Variants in LAMA1 observed in about 807,000 individuals in gnomAD.
LAMA1 encodes the protein laminin subunit alpha-1.
In LAMA1, 219 loss-of-function variants were observed where a neutral mutation model predicts 348.7. That is an observed-to-expected ratio of 0.63 (90% CI 0.56 to 0.70). The LOEUF (loss-of-function observed/expected upper bound fraction) is 0.70. Among genes scored for constraint, LAMA1 ranks in the 30% least tolerant of loss-of-function variants. LAMA1 has a pLI of 0.00. For missense variants in LAMA1, 3,744 were observed against 3,888.0 expected, an observed-to-expected ratio of 0.96 and a Z score of 0.99; for synonymous variants, 1,487 against 1,491.0, an observed-to-expected ratio of 1.00 and a Z score of 0.06.
chr18:7,042,269 C>T lies in LAMA1; in HGVS notation c.1156-19G>A. 6.9e-7 allele frequency: 1 copy of T among 1,458,576 alleles called. No individual in the cohort carries two copies. The highest frequency in any genetic ancestry group is 9.6e-7 in the Non-Finnish European group (1 of 1,043,788). 90.4% of individuals were successfully genotyped at this position (1,458,576 alleles called of 1,614,324 possible). A position where few individuals can be genotyped will look rare whatever the true frequency, so the allele number is the denominator to read the frequency against. ...GAGACACCTGAAAGGCAGAGGTTGCCCTGGATTCTCTTACTAGAAATAACA... is the reference window on the plus strand; with the variant it reads ...GAGACACCTGAAAGGCAGAGGTTGCTCTGGATTCTCTTACTAGAAATAACA... On this transcript the variant is annotated intron_variant, in intron 8 of 62. Transcript: ENST00000389658.
intron 27 of LAMA1, 26 bp from the exon 28 acceptor site, chr18:7,008,634 G>A: frequency 6.2e-7 from 1 of 1,613,002 alleles, no homozygotes; most frequent in South Asian, 1.1e-5. Flanking sequence ...GTTAAGAGAG[G>A]AAACGCTAAC....
intron 1 of LAMA1, among the ~76,000 whole-genome samples, chr18:7,093,377 C>T (rs2058247713): frequency 6.6e-6 from 1 of 152,056 alleles, no homozygotes; most frequent in Non-Finnish European, 1.5e-5. Context: ...GATCGCGCCA[C>T]TGCACTCCAG....
chr18:6,970,282 C>A (rs896283129), intron 48 of LAMA1, among the ~76,000 whole-genome samples: 2 of 150,958 alleles, frequency 1.3e-5, no homozygotes, highest in East Asian at 1.9e-4. Flanking sequence ...CGTTTATTGT[C>A]AAAAAAAAAT....
chr18:7,038,861 G>A lies in LAMA1; in HGVS notation c.1512C>T (p.Phe504=), dbSNP rs777588510. The change falls in exon 11 of 63, where the codon TTC becomes TTT. Residue 504 remains phenylalanine (F), a synonymous_variant. Transcript: ENST00000389658. Reference sequence around the variant, plus strand: ...TGCAGACATCAGAAACGCCAAAGCAGAAGCACTCGGAGCAGCCCCGGGGGT... The same window carrying A: ...TGCAGACATCAGAAACGCCAAAGCAAAAGCACTCGGAGCAGCCCCGGGGGT... The part of the protein sequence containing the change: ...EKNPRGCSEC[F]CFGVSDVCSS... The A allele has an allele frequency of 3.1e-6, 5 of 1,614,220 alleles. No individual in the cohort carries two copies. The highest frequency in any genetic ancestry group is 1.7e-5 in the Admixed American group (1 of 60,034).
chr18:6,961,917 T>C (rs371925587), intron 52 of LAMA1, 28 bp downstream of exon 52: 1 of 1,588,686 alleles, frequency 6.3e-7, no homozygotes, highest in Non-Finnish European at 8.6e-7. Flanking sequence ...TGGAAACTCA[T>C]TTGAACATTA....
At chr18:7,032,748 G>T (rs985637395) in intron 15 of LAMA1, among the ~76,000 whole-genome samples, 2 of 152,158 alleles carry the variant, frequency 1.3e-5, no homozygotes, top group African/African-American at 4.8e-5. Flanking sequence ...GTTGACTAAG[G>T]CAAGAGGGCA....
intron 3 of LAMA1, among the ~76,000 whole-genome samples, chr18:7,061,771 C>T (rs1436901489): frequency 2.0e-5 from 3 of 152,138 alleles, no homozygotes; most frequent in Non-Finnish European, 4.4e-5. Context: ...TAGATGGGCG[C>T]GGTGGAGGCC....
At chr18:6,972,858 T>C (rs1824042199) in intron 47 of LAMA1, among the ~76,000 whole-genome samples, 199 bp downstream of exon 47, 1 of 152,126 alleles carries the variant, frequency 6.6e-6, no homozygotes, top group South Asian at 2.1e-4. Context: ...ACCCGGCTAA[T>C]TTTGTATTTT....
In LAMA1 at chr18:6,941,851, A is replaced by T. The variant is rs554574353; in HGVS notation, c.*228T>A. On this transcript the variant is annotated 3_prime_UTR_variant, in exon 63 of 63. Coordinates refer to ENST00000389658, the MANE Select transcript of LAMA1 (RefSeq NM_005559.4). Reference sequence around the variant, plus strand: ...ATTCAATGTGTATAAAGATTTTTTTAAAAATACGTTTAAAAAGAGAGCCAG... The same window carrying T: ...ATTCAATGTGTATAAAGATTTTTTTTAAAATACGTTTAAAAAGAGAGCCAG... The T allele has an allele frequency of 1.7e-5, 9 of 541,530 alleles. No homozygotes were observed. Among genetic ancestry groups the T allele is most frequent in the African/African-American group, 7.6e-5 (4 of 52,768 alleles). The allele number at this position is 541,530 out of a possible 1,614,324, so 33.5% of individuals were successfully genotyped here.
chr18:6,999,441 T>C lies in LAMA1; in HGVS notation c.4663+4A>G. The C allele has an allele frequency of 6.2e-7, 1 of 1,614,160 alleles. No homozygotes were observed. The highest frequency in any genetic ancestry group is 8.5e-7 in the Non-Finnish European group (1 of 1,180,018). On this transcript the variant is annotated splice_donor_region_variant and intron_variant, in intron 32 of 62. Transcript: ENST00000389658. The stretch of plus-strand genomic sequence containing the variant: ...CTTTACACATTTAGAGGAGAAATAC[T>C]CACAAACACAATCTGTTTCCATCAG...
chr18:6,941,820 C>A lies in LAMA1; in HGVS notation c.*259G>T, dbSNP rs966857938. On this transcript the variant is annotated 3_prime_UTR_variant, in exon 63 of 63. Coordinates refer to ENST00000389658, the MANE Select transcript of LAMA1 (RefSeq NM_005559.4). Reference sequence around the variant, plus strand: ...ACATAAAATACTATCAAGTAATCAACAGAACATTCAATGTGTATAAAGATT... The same window carrying A: ...ACATAAAATACTATCAAGTAATCAAAAGAACATTCAATGTGTATAAAGATT... 1.3e-5 allele frequency: 6 copies of A among 472,434 alleles called. No individual in the cohort carries two copies. Among genetic ancestry groups the A allele is most frequent in the Non-Finnish European group, 2.3e-5 (6 of 260,276 alleles). The allele number at this position is 472,434 out of a possible 1,614,324, so 29.3% of individuals were successfully genotyped here.
rs1346153337 is a variant in LAMA1, at chr18:7,080,365, G to A, written c.154C>T (p.Leu52Phe). 1 of 1,614,268 alleles carries A rather than the reference G, an allele frequency of 6.2e-7. No individual in the cohort carries two copies. Among genetic ancestry groups the A allele is most frequent in the Non-Finnish European group, 8.5e-7 (1 of 1,180,054 alleles). The change falls in exon 2 of 63, where the codon CTT (leucine) becomes TTT (phenylalanine). Residue 52 changes from leucine (L) to phenylalanine (F), a missense_variant. Transcript: ENST00000389658. ...GEKGPEMFCK[L>F]VEHVPGRPVR... ...GGCCGACCTGGCACATGCTCCACAA[G>A]TTTGCAGAACATCTCCGGCCCCTTC...
At chr18:7,048,044 C>G (rs917042973) in intron 5 of LAMA1, among the ~76,000 whole-genome samples, 1 of 152,088 alleles carries the variant, frequency 6.6e-6, no homozygotes, top group African/African-American at 2.4e-5. Context: ...CGTCACAAAA[C>G]CTCTGCTCAT....
At chr18:7,002,481 A>G in intron 29 of LAMA1, 96 bp from the exon 30 acceptor site, 7 of 1,293,372 alleles carry the variant, frequency 5.4e-6, no homozygotes, top group Non-Finnish European at 7.8e-6. Flanking sequence ...GTTTTATATC[A>G]GCTAGCTTTT....
At chr18:7,003,329 T>C (rs553730) in intron 29 of LAMA1, among the ~76,000 whole-genome samples, 42,555 of 151,036 alleles carry the variant, frequency 0.28, 6,534 homozygotes, top group African/African-American at 0.41. Flanking sequence ...CGGCTCACTG[T>C]GAGCTCCACC....
At chr18:7,044,903 G>C in intron 6 of LAMA1, 64 bp from the exon 7 acceptor site, 1 of 1,220,568 alleles carries the variant, frequency 8.2e-7, no homozygotes. Flanking sequence ...TTAATTTCAT[G>C]GTAAAAAGAA....
At chr18:6,969,012 G>A (rs1431977455) in intron 48 of LAMA1, among the ~76,000 whole-genome samples, 1 of 152,178 alleles carries the variant, frequency 6.6e-6, no homozygotes, top group South Asian at 2.1e-4. Context: ...CAGGAGAAGG[G>A]GTGCAGTGGG....
At chr18:7,017,445 C>T in intron 19 of LAMA1, 61 bp from the exon 20 acceptor site, 1 of 1,184,680 alleles carries the variant, frequency 8.4e-7, no homozygotes, top group Non-Finnish European at 1.2e-6. Flanking sequence ...ATCATAAGAT[C>T]CGTCATCCCC....
intron 36 of LAMA1, among the ~76,000 whole-genome samples, chr18:6,987,295 TATATAATACAGCAAGA>T (rs1378182027): frequency 3.9e-5 from 6 of 152,232 alleles, no homozygotes; most frequent in African/African-American, 1.4e-4. Flanking sequence ...TCTTTCATTA[TATATAATACAGCAAGA>T]AATTGAAAGA....
Sources: allele counts gnomAD v4.1 joint callset (sites outside exome capture counted in the v4.1 genomes callset), GRCh38; gene constraint gnomAD v4.1.1; transcripts MANE v1.5; gene names NCBI Gene and HGNC (gene_info 2026-07-23, HGNC 2026-07-21).